TSHZ3: variants seen among roughly 807,000 people sequenced by gnomAD.
TSHZ3 encodes the protein teashirt homolog 3.
In TSHZ3, 10 loss-of-function variants were observed where a neutral mutation model predicts 64.5. The observed-to-expected ratio is 0.16, with a 90% CI of 0.10 to 0.26. The LOEUF is 0.26. Ranked by LOEUF, TSHZ3 falls within the 10% of genes least tolerant of loss-of-function variation. The pLI is 1.00. For synonymous variants in TSHZ3, 608 were observed against 593.1 expected, an observed-to-expected ratio of 1.03 and a Z score of -0.36; for missense variants, 1,242 against 1,421.7, an observed-to-expected ratio of 0.87 and a Z score of 2.03.
At chr19:31,304,766 T>C (rs1055009786) in intron 1 of TSHZ3, among the ~76,000 whole-genome samples, 1 of 152,216 alleles carries the variant, frequency 6.6e-6, no homozygotes, top group Non-Finnish European at 1.5e-5. Flanking sequence ...TAAAAATTAT[T>C]TATTTCCATA....
At chr19:31,348,340 C>T (rs1239686765) in intron 1 of TSHZ3, among the ~76,000 whole-genome samples, 1 of 151,950 alleles carries the variant, frequency 6.6e-6, no homozygotes, top group Non-Finnish European at 1.5e-5. Flanking sequence ...TGCCCCCAAC[C>T]GACATTATTG....
At position 31,349,254 on chromosome 19, in the gene TSHZ3, C is replaced by T; in HGVS notation, c.-35G>A. ...CCGGCGACTGCCACTGCCGCCGCCG[C>T]CGCCGCTGCCGGGCTGAGGACAGGG... On this transcript the variant is annotated 5_prime_UTR_variant, in exon 1 of 2. Coordinates refer to ENST00000240587, the MANE Select transcript of TSHZ3 (RefSeq NM_020856.4). 6.6e-7 allele frequency: 1 copy of T among 1,526,696 alleles called. No homozygotes were observed. Among genetic ancestry groups the T allele is most frequent in the East Asian group, 2.6e-5 (1 of 38,830 alleles). The allele number at this position is 1,526,696 out of a possible 1,614,324, so 94.6% of individuals were successfully genotyped here. A position where few individuals can be genotyped will look rare whatever the true frequency, so the allele number is the denominator to read the frequency against.
rs745561467 is a variant in TSHZ3, at chr19:31,279,282, C to G, written c.511G>C (p.Ala171Pro). ...ACCTGCTGCAGCGTCTTAGCCATGG[C>G]GCTCTGGTGCCAGTCGAAGCTCCCG... ...GSGSFDWHQS[A>P]MAKTLQQVSQ... is the part of the protein sequence containing the mutation. The change falls in exon 2 of 2, where the codon GCC (alanine) becomes CCC (proline). Residue 171 changes from alanine to proline, a missense_variant. Physicochemically the swap from Ala to Pro is conservative, Grantham distance 27. This residue lies in a region of TSHZ3 where 555 missense variants were observed against 704.0 expected (regional missense o/e 0.79). Transcript: ENST00000240587. This position sits in a 1 kb window ranked among gnomAD's most constrained non-coding sequence, Gnocchi z 6.4. 6.2e-7 allele frequency: 1 copy of G among 1,613,988 alleles called. No homozygotes were observed. Among genetic ancestry groups the G allele is most frequent in the Non-Finnish European group, 8.5e-7 (1 of 1,179,950 alleles).
chr19:31,216,515 C>A (rs1975332945), intron 4 of TSHZ3, among the ~76,000 whole-genome samples: 1 of 151,258 alleles, frequency 6.6e-6, no homozygotes, highest in Non-Finnish European at 1.5e-5. Context: ...GTGGTGCAAT[C>A]TCAGCTCACT....
chr19:31,232,283 GA>G (rs1229656260), intron 3 of TSHZ3, among the ~76,000 whole-genome samples: 8 of 151,832 alleles, frequency 5.3e-5, no homozygotes, highest in African/African-American at 1.2e-4. Context: ...ATTGCTGGCT[GA>G]AAAAAAAGTC....
At chr19:31,292,235 G>A (rs1244396608) in intron 1 of TSHZ3, among the ~76,000 whole-genome samples, 1 of 152,156 alleles carries the variant, frequency 6.6e-6, no homozygotes, top group Admixed American at 6.5e-5. Flanking sequence ...AATTATTAGG[G>A]GCAGGGGATG....
chr19:31,247,628 G>C (rs567055444), intron 1 of TSHZ3, among the ~76,000 whole-genome samples: 2 of 152,166 alleles, frequency 1.3e-5, no homozygotes, highest in Non-Finnish European at 2.9e-5. Flanking sequence ...ACTAAGGAGA[G>C]TGTTAGGATA....
At chr19:31,234,061 A>T (rs1255736729) in intron 3 of TSHZ3, among the ~76,000 whole-genome samples, 1 of 152,088 alleles carries the variant, frequency 6.6e-6, no homozygotes. Flanking sequence ...CATGTCTTTC[A>T]GTTAATTTAG....
At chr19:31,191,701 T>TA (rs1186390549) in intron 5 of TSHZ3, among the ~76,000 whole-genome samples, 2 of 151,686 alleles carry the variant, frequency 1.3e-5, no homozygotes, top group South Asian at 2.1e-4. Context: ...TAGAAAAAGT[T>TA]AAAAAAAATT....
At chr19:31,162,100 A>G (rs1974380899) in intron 5 of TSHZ3, among the ~76,000 whole-genome samples, 1 of 152,166 alleles carries the variant, frequency 6.6e-6, no homozygotes, top group African/African-American at 2.4e-5. Flanking sequence ...GGTGAAGCCA[A>G]TGTGGTGATT....
intron 1 of TSHZ3, among the ~76,000 whole-genome samples, chr19:31,249,334 C>A (rs907408985): frequency 6.6e-5 from 10 of 152,172 alleles, no homozygotes; most frequent in Non-Finnish European, 1.2e-4. Flanking sequence ...GCCTTTCCAG[C>A]GCAGTTGGAT....
At chr19:31,185,431 A>T (rs1241517676) in intron 5 of TSHZ3, among the ~76,000 whole-genome samples, 1 of 152,212 alleles carries the variant, frequency 6.6e-6, no homozygotes, top group African/African-American at 2.4e-5. Flanking sequence ...CCAGAGGGGA[A>T]GATCAGAATA....
intron 1 of TSHZ3, among the ~76,000 whole-genome samples, chr19:31,296,109 G>C (rs542020659): frequency 6.6e-6 from 1 of 151,494 alleles, no homozygotes; most frequent in Admixed American, 6.6e-5. Flanking sequence ...CACAAACATG[G>C]GTCTCTGTTT....
intron 1 of TSHZ3, among the ~76,000 whole-genome samples, chr19:31,325,231 C>A (rs181941943): frequency 1.2e-4 from 18 of 152,304 alleles, no homozygotes; most frequent in Admixed American, 1.1e-3. Flanking sequence ...AGGCTTTACA[C>A]CCTCAGTGCT....
chr19:31,227,057 C>A (rs1414010764), intron 4 of TSHZ3, among the ~76,000 whole-genome samples: 2 of 137,392 alleles, frequency 1.5e-5, no homozygotes, highest in Non-Finnish European at 3.0e-5. Flanking sequence ...CGGCTTACTG[C>A]AACCTCAGCC....
At chr19:31,173,619 T>C in intron 5 of TSHZ3, among the ~76,000 whole-genome samples, 1 of 152,340 alleles carries the variant, frequency 6.6e-6, no homozygotes, top group African/African-American at 2.4e-5. Context: ...GCACATGCTA[T>C]GGTTTGCACC....
At chr19:31,350,746 C>G (rs2021697412), upstream of TSHZ3, among the ~76,000 whole-genome samples, 1 of 149,378 alleles carries the variant, frequency 6.7e-6, no homozygotes, top group Non-Finnish European at 1.5e-5. Context: ...GCGGGTGGGC[C>G]GGAGCTCATG....
chr19:31,182,718 G>C (rs926544208), intron 5 of TSHZ3, among the ~76,000 whole-genome samples: 27 of 152,106 alleles, frequency 1.8e-4, no homozygotes, highest in Non-Finnish European at 5.9e-5. Context: ...CATACAACAC[G>C]TGTCCAATGT....
At chr19:31,285,332 T>C (rs1199157983) in intron 1 of TSHZ3, among the ~76,000 whole-genome samples, 1 of 151,828 alleles carries the variant, frequency 6.6e-6, no homozygotes, top group Non-Finnish European at 1.5e-5. Context: ...TTTTAAAAAT[T>C]AACCGGGCAT....
Sources: gnomAD v4.1 joint callset for allele counts (sites outside exome capture counted in the v4.1 genomes callset) on GRCh38, gnomAD v4.1.1 for gene constraint, gnomAD v4.1.1 regional missense constraint, Gnocchi (gnomAD v3.1) non-coding constraint, MANE v1.5 for transcripts, NCBI Gene and HGNC (gene_info 2026-07-23, HGNC 2026-07-21) for gene names.